Variants in ADGRF1 observed in about 807,000 individuals in gnomAD.
ADGRF1 encodes G protein-coupled receptor 110.
Under a neutral mutation model 87.2 loss-of-function variants are expected in ADGRF1, and 85 were observed. The ratio of observed to expected loss-of-function variants is 0.97; its 90% CI spans 0.82 to 1.17. The LOEUF is 1.17. ADGRF1 is among the 50% of genes most tolerant of loss of function. ADGRF1 has a pLI of 0.00. For missense variants in ADGRF1, 1,169 were observed against 1,077.2 expected (o/e 1.09, Z -1.19); for synonymous variants, 430 against 408.8 (o/e 1.05, Z -0.63).
rs1325530674 is a variant in ADGRF1 at position 47,008,949 on chromosome 6, A to G, written c.2486T>C (p.Phe829Ser). Reference sequence around the variant, plus strand: ...GGTTATTGTTACTGTTCTCACCTGGAATGCATTGAGTAAAGCAAAAATAAC... The same window carrying G: ...GGTTATTGTTACTGTTCTCACCTGGGATGCATTGAGTAAAGCAAAAATAAC... ...WHVIFALLNA[F>S]QGFFILCFGI... Residue 829 changes from phenylalanine (F) to serine (S), a missense_variant, in exon 11 of 15, where the codon TTC becomes TCC. By Grantham distance (155) the Phe-to-Ser change is radical. Transcript: ENST00000371253. 1.3e-6 allele frequency: 2 copies of G among 1,590,132 alleles called. No homozygotes were observed. Among genetic ancestry groups the G allele is most frequent in the East Asian group, 4.5e-5 (2 of 44,498 alleles).
At chr6:47,024,426 TGCGTCA>T (rs1169740513) in intron 4 of ADGRF1, 1 of 450,414 alleles carries the variant, frequency 2.2e-6, no homozygotes, top group Non-Finnish European at 4.0e-6. Flanking sequence ...GTGAATCTTG[TGCGTCA>T]GCCACCTGAG....
rs1306563163 is a variant in ADGRF1 at position 47,009,469 on chromosome 6, C to T, written c.1966G>A (p.Val656Ile). Residue 656 changes from valine (V) to isoleucine (I), a missense_variant, in exon 11 of 15, where the codon GTC (valine) becomes ATC (isoleucine). Physicochemically the swap from Val to Ile is conservative, Grantham distance 29. Coordinates refer to ENST00000371253, the MANE Select transcript of ADGRF1 (RefSeq NM_153840.4). The stretch of plus-strand genomic sequence containing the variant: ...GTAAAGAACACAGCAGCTGTGCAGA[C>T]TCCAGAAGGGTTCACCGTGGTGTCC... ...TVDTTVNPSG[V>I]CTAAVFFTHF... 2.5e-6 allele frequency: 4 copies of T among 1,613,786 alleles called. No homozygotes were observed. The highest frequency in any genetic ancestry group is 2.7e-5 in the African/African-American group (2 of 74,906).
Position 47,009,564 on chromosome 6 carries a change from C to T in ADGRF1, c.1871G>A (p.Arg624His), listed in dbSNP as rs143178573. The T allele has an allele frequency of 1.5e-5, 25 of 1,614,054 alleles. No individual in the cohort carries two copies. Among genetic ancestry groups the T allele is most frequent in the Middle Eastern group, 1.7e-4 (1 of 6,060 alleles). The change falls in exon 11 of 15, where the codon CGT becomes CAT. Residue 624 changes from arginine (R) to histidine (H), a missense_variant. Physicochemically the swap from Arg to His is conservative, Grantham distance 29. Transcript: ENST00000371253. ...IKKSQTSHTR[R>H]ICMVNIALSL... ...CAGGGCTATGTTCACCATGCAAATA[C>T]GACGTGTGTGAGAGGTTTGGCTTTT... is the stretch of plus-strand genomic sequence containing the variant.
In ADGRF1 at chr6:47,008,934, A is replaced by T. The variant is rs371855040; in HGVS notation, c.2490+11T>A. On this transcript the variant is annotated intron_variant, in intron 11 of 14. Coordinates refer to ENST00000371253, the MANE Select transcript of ADGRF1 (RefSeq NM_153840.4). ...CTTGACAATACAATAGGTTATTGTT[A>T]CTGTTCTCACCTGGAATGCATTGAG... The T allele has an allele frequency of 2.4e-5, 38 of 1,567,960 alleles. No homozygotes were observed. Among genetic ancestry groups the T allele is most frequent in the Non-Finnish European group, 2.8e-5 (32 of 1,154,078 alleles).
chr6:47,027,459 C>T (rs1780270597), intron 3 of ADGRF1, among the ~76,000 whole-genome samples: 1 of 152,166 alleles, frequency 6.6e-6, no homozygotes, highest in African/African-American at 2.4e-5. Context: ...AATCAAGGCA[C>T]AGAAGAAAAG....
intron 10 of ADGRF1, among the ~76,000 whole-genome samples, chr6:47,010,847 C>T (rs1779684380): frequency 6.6e-6 from 1 of 152,130 alleles, no homozygotes; most frequent in Non-Finnish European, 1.5e-5. Context: ...ATTTTAAAGC[C>T]TGAACCCAAG....
rs549054927 is a variant in ADGRF1, at chr6:47,007,704, T to C, written c.2491-410A>G. 3.3e-5 allele frequency among the ~76,000 whole-genome samples: 5 copies of C among 152,354 alleles called. No individual in the cohort carries two copies. In the South Asian group the frequency reaches 6.2e-4, roughly 19 times the overall value. On this transcript the variant is annotated intron_variant, in intron 11 of 14. Transcript: ENST00000371253. ...CAATCCTATGGCCAAGTGGAGGGATTTGACCTATATCAGCACCCTTTCCTT... is the reference window on the plus strand; with the variant it reads ...CAATCCTATGGCCAAGTGGAGGGATCTGACCTATATCAGCACCCTTTCCTT...
intron 6 of ADGRF1, 109 bp downstream of exon 6, chr6:47,021,849 A>G: frequency 3.1e-6 from 2 of 639,956 alleles, no homozygotes; most frequent in Middle Eastern, 4.0e-4. Context: ...TTATTTGCTC[A>G]CTGAAAACGA....
At chr6:47,038,991 A>C (rs767982087) in intron 1 of ADGRF1, among the ~76,000 whole-genome samples, 10 of 152,228 alleles carry the variant, frequency 6.6e-5, no homozygotes, top group Non-Finnish European at 1.3e-4. Flanking sequence ...CTTAACACAA[A>C]TTCTCTTTAC....
intron 7 of ADGRF1, chr6:47,018,649 T>C (rs973137615): frequency 3.1e-6 from 4 of 1,275,220 alleles, no homozygotes; most frequent in African/African-American, 3.0e-5. Flanking sequence ...TGGTGACTCA[T>C]GCCTGTAATC....
Position 47,000,232 on chromosome 6 carries a change from G to C in ADGRF1, c.2723C>G (p.Ser908Ter), listed in dbSNP as rs1291979174. 2.5e-6 allele frequency: 4 copies of C among 1,607,130 alleles called. No individual in the cohort carries two copies. Among genetic ancestry groups the C allele is most frequent in the Non-Finnish European group, 3.4e-6 (4 of 1,176,094 alleles). The change falls in exon 15 of 15, where the codon TCA becomes TGA. Residue 908 changes from serine (S) to a stop codon, truncating the protein, a stop_gained. Coordinates refer to ENST00000371253, the MANE Select transcript of ADGRF1 (RefSeq NM_153840.4). LOFTEE classifies it high-confidence loss of function. Reference protein sequence around the residue: ...SDNIMLTQFVSNE With the variant: ...SDNIMLTQFV Reference sequence around the variant, plus strand: ...TTATGATTCCTTGCCTTATTCATTTGAGACAAACTGAGTTAGCATGATGTT... The same window carrying C: ...TTATGATTCCTTGCCTTATTCATTTCAGACAAACTGAGTTAGCATGATGTT...
chr6:47,012,144 C>A lies in ADGRF1; in HGVS notation c.979G>T (p.Val327Leu). The A allele has an allele frequency of 6.2e-7, 1 of 1,613,878 alleles. No homozygotes were observed. Among genetic ancestry groups the A allele is most frequent in the South Asian group, 1.1e-5 (1 of 91,054 alleles). ...CGAATGATGACAGAAAGATTTTGCA[C>A]GAAGGATGACACAGCTGCCTCAGTG... is the stretch of plus-strand genomic sequence containing the variant. ...NATEAAVSSF[V>L]QNLSVIIRQN... Residue 327 changes from valine to leucine, a missense_variant, in exon 10 of 15, where the codon GTG (valine) becomes TTG (leucine). Physicochemically the swap from Val to Leu is conservative, Grantham distance 32. Coordinates refer to ENST00000371253, the MANE Select transcript of ADGRF1 (RefSeq NM_153840.4).
At chr6:47,020,930 C>T in intron 6 of ADGRF1, 141 bp from the exon 7 acceptor site, 1 of 666,756 alleles carries the variant, frequency 1.5e-6, no homozygotes, top group Non-Finnish European at 2.7e-6. Context: ...GAAGTAATTG[C>T]ATGTCATACA....
intron 9 of ADGRF1, chr6:47,013,470 C>A: frequency 1.0e-6 from 1 of 985,474 alleles, no homozygotes; most frequent in Non-Finnish European, 1.2e-6. Flanking sequence ...GAAGCAAGGT[C>A]TCTGGCTGGA....
chr6:46,999,717 G>A lies in ADGRF1; in HGVS notation c.*505C>T, dbSNP rs916687655. The A allele has an allele frequency of 3.3e-5, 5 of 152,592 alleles. No individual in the cohort carries two copies. The highest frequency in any genetic ancestry group is 1.3e-4 in the Admixed American group (2 of 15,348). The allele number at this position is 152,592 out of a possible 1,614,324, so 9.5% of individuals were successfully genotyped here. ...GTGATAGAACCTAAGAAGCAAAAGC[G>A]AACATAAAATTCAACTGGAAAATTT... On this transcript the variant is annotated 3_prime_UTR_variant, in exon 15 of 15. Transcript: ENST00000371253.
rs1224738760 is a variant in ADGRF1 at position 47,024,213 on chromosome 6, G to A, written c.282C>T (p.Cys94=). The part of the protein sequence containing the change: ...RIIRAKATTD[C]NSLNGVLQCT... Reference sequence around the variant, plus strand: ...ACTGCAGGACTCCATTCAGGCTGTTGCAGTCTGCACAAGAAATAGAACTCA... The same window carrying A: ...ACTGCAGGACTCCATTCAGGCTGTTACAGTCTGCACAAGAAATAGAACTCA... Residue 94 remains cysteine, a synonymous_variant, in exon 5 of 15, where the codon TGC becomes TGT. Coordinates refer to ENST00000371253, the MANE Select transcript of ADGRF1 (RefSeq NM_153840.4). 6.2e-7 allele frequency: 1 copy of A among 1,612,356 alleles called. No homozygotes were observed. Among genetic ancestry groups the A allele is most frequent in the African/African-American group, 1.3e-5 (1 of 74,876 alleles).
At position 46,999,170 on chromosome 6, in the gene ADGRF1, C is replaced by T. The variant is rs769795436; in HGVS notation, c.*1052G>A. On this transcript the variant is annotated 3_prime_UTR_variant, in exon 15 of 15. Transcript: ENST00000371253. ...CTTCACATAGCGTCAACTCCTGCTG[C>T]TTTGTATGTCATCCAAAAGTGGCAC... is the stretch of plus-strand genomic sequence containing the variant. 6 of 152,180 alleles carry T rather than the reference C, an allele frequency of 3.9e-5. No homozygotes were observed. Among genetic ancestry groups the T allele is most frequent in the Non-Finnish European group, 8.8e-5 (6 of 68,044 alleles). 9.4% of individuals were successfully genotyped at this position (152,180 alleles called of 1,614,324 possible). A position where few individuals can be genotyped will look rare whatever the true frequency, so the allele number is the denominator to read the frequency against.
chr6:47,006,229 G>T (rs923988883), intron 12 of ADGRF1, among the ~76,000 whole-genome samples: 2 of 152,074 alleles, frequency 1.3e-5, no homozygotes, highest in Admixed American at 6.5e-5. Flanking sequence ...ACAGCAAATT[G>T]CTTCTTTGTA....
At chr6:47,006,659 CT>C (rs1337678931) in intron 12 of ADGRF1, among the ~76,000 whole-genome samples, 1 of 152,106 alleles carries the variant, frequency 6.6e-6, no homozygotes, top group Non-Finnish European at 1.5e-5. Flanking sequence ...AATTTGTAGT[CT>C]TTTATCCCTC....
Sources: gnomAD v4.1 joint callset for allele counts (sites outside exome capture counted in the v4.1 genomes callset) on GRCh38, gnomAD v4.1.1 for gene constraint, MANE v1.5 for transcripts, NCBI Gene and HGNC (gene_info 2026-07-23, HGNC 2026-07-21) for gene names.